The following ZNF569 variants were observed in gnomAD, a reference collection of about 807,000 sequenced individuals.
The protein encoded by ZNF569 is DNA-binding protein.
Under a neutral mutation model 56.3 loss-of-function variants are expected in ZNF569, and 38 were observed. That is an observed-to-expected ratio of 0.68 (90% CI 0.52 to 0.88). The LOEUF is 0.88. ZNF569 is among the 40% of genes least tolerant of loss of function. The probability of loss-of-function intolerance (pLI) is 0.00; values close to 1 mark genes in which losing one functional copy is unlikely to be tolerated. For missense variants in ZNF569, 666 were observed against 809.2 expected (o/e 0.82, Z 2.15); for synonymous variants, 241 against 262.9 (o/e 0.92, Z 0.81).
At chr19:37,452,835 G>A (rs2041616452) in intron 2 of ZNF569, among the ~76,000 whole-genome samples, 1 of 152,034 alleles carries the variant, frequency 6.6e-6, no homozygotes, top group African/African-American at 2.4e-5. Context: ...TCCTGAATCT[G>A]GATGTTCGTT....
intron 2 of ZNF569, among the ~76,000 whole-genome samples, chr19:37,447,610 C>T (rs2041519575): frequency 6.6e-6 from 1 of 152,104 alleles, no homozygotes; most frequent in Non-Finnish European, 1.5e-5. Context: ...ATTGCACTGG[C>T]TAGGAATTCC....
intron 1 of ZNF569, among the ~76,000 whole-genome samples, chr19:37,465,908 C>G (rs926498829): frequency 2.6e-5 from 4 of 152,084 alleles, no homozygotes; most frequent in Non-Finnish European, 4.4e-5. Context: ...CAGGGGTAAA[C>G]GTATACCATG....
At position 37,438,803 on chromosome 19, in the gene ZNF569, G is replaced by C. The variant is rs116558713; in HGVS notation, c.15+6104C>G. Among the ~76,000 whole-genome samples, 1,081 of 152,190 alleles carry C rather than the reference G, an allele frequency of 7.1e-3. 15 individuals carry two copies. Among genetic ancestry groups the C allele is most frequent in the African/African-American group, 0.024 (1,008 of 41,520 alleles). On this transcript the variant is annotated intron_variant, in intron 3 of 5. Coordinates refer to ENST00000316950, the MANE Select transcript of ZNF569 (RefSeq NM_152484.3). ...TACAGCAAGGGAAACAATCAACAAA[G>C]TGAAGAGGCAACCCACAAAATGGGA...
chr19:37,468,032 C>A, upstream of ZNF569: 6 of 1,052,566 alleles, frequency 5.7e-6, no homozygotes, highest in Non-Finnish European at 5.7e-6. Context: ...CTAGCTGTGT[C>A]ATCTCAGACT....
intron 2 of ZNF569, among the ~76,000 whole-genome samples, chr19:37,445,796 G>A (rs1210290557): frequency 6.6e-6 from 1 of 152,142 alleles, no homozygotes; most frequent in Non-Finnish European, 1.5e-5. Flanking sequence ...AGAAATCACA[G>A]ATAACACAAA....
At chr19:37,468,037 C>T (rs1449575262), upstream of ZNF569, 5 of 1,012,416 alleles carry the variant, frequency 4.9e-6, no homozygotes, top group Non-Finnish European at 7.4e-6. Context: ...TGTGTCATCT[C>T]AGACTAGGTA....
intron 5 of ZNF569, among the ~76,000 whole-genome samples, chr19:37,420,492 C>T (rs888840153): frequency 6.6e-6 from 1 of 152,116 alleles, no homozygotes; most frequent in African/African-American, 2.4e-5. Flanking sequence ...ACAATTTGCA[C>T]AGCATCTTCA....
chr19:37,412,666 A>C lies in ZNF569; in HGVS notation c.1992T>G (p.Cys664Trp). 6.2e-7 allele frequency: 1 copy of C among 1,613,940 alleles called. No individual in the cohort carries two copies. Among genetic ancestry groups the C allele is most frequent in the Non-Finnish European group, 8.5e-7 (1 of 1,179,922 alleles). The change falls in exon 6 of 6, where the codon TGT becomes TGG. Residue 664 changes from cysteine (C) to tryptophan (W), a missense_variant. Coordinates refer to ENST00000316950, the MANE Select transcript of ZNF569 (RefSeq NM_152484.3). Reference protein sequence around the residue: ...RKHTGEKPYHCIECGKAFSQK... With the variant: ...RKHTGEKPYHWIECGKAFSQK... Reference sequence around the variant, plus strand: ...GGCTGAAAGCCTTGCCACACTCAATACAGTGATAGGGCTTCTCACCTGTAT... The same window carrying C: ...GGCTGAAAGCCTTGCCACACTCAATCCAGTGATAGGGCTTCTCACCTGTAT...
upstream of ZNF569, among the ~76,000 whole-genome samples, chr19:37,468,470 C>G (rs10420754): frequency 0.27 from 41,308 of 151,904 alleles, 7,023 homozygotes; most frequent in African/African-American, 0.47. Context: ...GGGCAAAGCG[C>G]ACGGATCATT....
intron 5 of ZNF569, among the ~76,000 whole-genome samples, chr19:37,418,371 T>C (rs1568717390): frequency 6.6e-6 from 1 of 152,030 alleles, no homozygotes; most frequent in Non-Finnish European, 1.5e-5. Flanking sequence ...GTATAATAAA[T>C]ACATGAGTTT....
At chr19:37,453,667 G>A (rs914478087) in intron 2 of ZNF569, among the ~76,000 whole-genome samples, 30 of 152,128 alleles carry the variant, frequency 2.0e-4, no homozygotes, top group African/African-American at 7.0e-4. Flanking sequence ...AATATAATAT[G>A]TGTAGATGTG....
chr19:37,444,308 T>G (rs2041456572), intron 3 of ZNF569, among the ~76,000 whole-genome samples: 3 of 152,212 alleles, frequency 2.0e-5, no homozygotes. Flanking sequence ...TGATATATAC[T>G]TTTTTGTTTC....
chr19:37,446,728 C>A (rs974307193), intron 2 of ZNF569, among the ~76,000 whole-genome samples: 8 of 151,856 alleles, frequency 5.3e-5, no homozygotes, highest in African/African-American at 1.5e-4. Context: ...GACCAAGAAC[C>A]GAAAAGCAAA....
intron 3 of ZNF569, among the ~76,000 whole-genome samples, chr19:37,428,918 C>T (rs900425466): frequency 1.3e-5 from 2 of 152,108 alleles, no homozygotes; most frequent in Non-Finnish European, 2.9e-5. Context: ...AATGATCTGC[C>T]TGCCTCGGCC....
chr19:37,465,700 T>C (rs375526758), intron 1 of ZNF569, among the ~76,000 whole-genome samples: 4 of 152,320 alleles, frequency 2.6e-5, no homozygotes, highest in African/African-American at 7.2e-5. Context: ...TGCAGATTAT[T>C]GGAACTTTAC....
chr19:37,447,865 T>C (rs1186036841), intron 2 of ZNF569, among the ~76,000 whole-genome samples: 1 of 152,214 alleles, frequency 6.6e-6, no homozygotes, highest in East Asian at 1.9e-4. Flanking sequence ...AGTCATATGT[T>C]TATTCTCTTA....
At chr19:37,453,383 T>C (rs748418924) in intron 2 of ZNF569, among the ~76,000 whole-genome samples, 8 of 152,178 alleles carry the variant, frequency 5.3e-5, no homozygotes, top group Non-Finnish European at 1.0e-4. Flanking sequence ...AATTAGTATT[T>C]TGGGAAGGTG....
chr19:37,461,385 C>T (rs2041755341), intron 2 of ZNF569, among the ~76,000 whole-genome samples: 2 of 151,002 alleles, frequency 1.3e-5, no homozygotes. Flanking sequence ...TGGCTCACTG[C>T]AACTTCCGCC....
intron 2 of ZNF569, among the ~76,000 whole-genome samples, chr19:37,451,347 C>A (rs1428038020): frequency 3.3e-5 from 5 of 150,498 alleles, no homozygotes; most frequent in Non-Finnish European, 7.4e-5. Flanking sequence ...TTGCAGTGAG[C>A]CGAGATCGTG....
Sources: allele counts gnomAD v4.1 joint callset (sites outside exome capture counted in the v4.1 genomes callset), GRCh38; gene constraint gnomAD v4.1.1; transcripts MANE v1.5; gene names NCBI Gene and HGNC (gene_info 2026-07-23, HGNC 2026-07-21).